Variants in GSTA1 observed in about 807,000 individuals in gnomAD.
GSTA1 encodes glutathione S-transferase A1.
Under a neutral mutation model 21.5 loss-of-function variants are expected in GSTA1, and 23 were observed. The observed-to-expected ratio is 1.07, with a 90% CI of 0.77 to 1.52. The LOEUF (loss-of-function observed/expected upper bound fraction) is 1.52, where lower values mean the gene tolerates loss of function less well. GSTA1 is among the 40% of genes most tolerant of loss of function. The pLI is 0.00. For synonymous variants in GSTA1, 125 were observed against 90.0 expected, an observed-to-expected ratio of 1.39 and a Z score of -2.20; for missense variants, 301 against 264.2, an observed-to-expected ratio of 1.14 and a Z score of -0.96.
At chr6:52,802,391 T>C (rs1160513064) in intron 1 of GSTA1, among the ~76,000 whole-genome samples, 4 of 152,226 alleles carry the variant, frequency 2.6e-5, no homozygotes, top group African/African-American at 9.7e-5. Context: ...GTTTAATCTC[T>C]GAGCCTCAAT....
At chr6:52,801,713 G>T (rs973715850) in intron 1 of GSTA1, among the ~76,000 whole-genome samples, 3 of 152,168 alleles carry the variant, frequency 2.0e-5, no homozygotes, top group Non-Finnish European at 4.4e-5. Context: ...GAGAACCAGA[G>T]AGCTCAAGGA....
chr6:52,800,152 G>C (rs1282224427), intron 1 of GSTA1, among the ~76,000 whole-genome samples: 4 of 152,204 alleles, frequency 2.6e-5, no homozygotes, highest in African/African-American at 4.8e-5. Flanking sequence ...TTCAACATCA[G>C]TTACACACTG....
At chr6:52,801,621 C>T (rs1043094742) in intron 1 of GSTA1, among the ~76,000 whole-genome samples, 1 of 152,216 alleles carries the variant, frequency 6.6e-6, no homozygotes, top group African/African-American at 2.4e-5. Context: ...TAGCATATCA[C>T]TTTCTCAATG....
At chr6:52,798,447 C>T (rs1407369946) in intron 2 of GSTA1, among the ~76,000 whole-genome samples, 11 of 113,852 alleles carry the variant, frequency 9.7e-5, no homozygotes, top group African/African-American at 3.8e-4. Context: ...TTAATAAGTG[C>T]TCAAGTAAAT....
At chr6:52,796,487 A>G (rs1215353783) in intron 3 of GSTA1, among the ~76,000 whole-genome samples, 173 bp from the exon 4 acceptor site, 178 of 5,070 alleles carry the variant, frequency 0.035, no homozygotes, top group African/African-American at 0.15. Context: ...ATATATATAT[A>G]TATGTGTGTG....
Position 52,792,983 on chromosome 6 carries a change from A to G in GSTA1, c.419T>C (p.Leu140Ser), listed in dbSNP as rs1432096563. The change falls in exon 6 of 7, where the codon TTA becomes TCA. Residue 140 changes from leucine (L) to serine (S), a missense_variant. Physicochemically the swap from Leu to Ser is moderately radical, Grantham distance 145. Coordinates refer to ENST00000334575, the MANE Select transcript of GSTA1 (RefSeq NM_145740.5). ...AAGGTAGTCTTGTCCATGGCTCTTT[A>G]AGACCTGGAGAATGGGAGGAATCAG... Reference protein sequence around the residue: ...NRYFPAFEKVLKSHGQDYLVG... With the variant: ...NRYFPAFEKVSKSHGQDYLVG... 6.2e-7 allele frequency: 1 copy of G among 1,614,024 alleles called. No homozygotes were observed. The highest frequency in any genetic ancestry group is 1.7e-5 in the Admixed American group (1 of 60,016).
intron 4 of GSTA1, among the ~76,000 whole-genome samples, chr6:52,795,419 C>T (rs1482317465): frequency 6.6e-5 from 10 of 152,042 alleles, no homozygotes; most frequent in South Asian, 6.2e-4. Context: ...TATTGTTATT[C>T]GCATTATTTA....
At chr6:52,793,371 A>T (rs1581792785) in intron 5 of GSTA1, among the ~76,000 whole-genome samples, 1 of 151,668 alleles carries the variant, frequency 6.6e-6, no homozygotes, top group South Asian at 2.1e-4. Context: ...TCCCTCTCCA[A>T]TCTCCCTTGG....
At chr6:52,798,975 C>T (rs574968181) in intron 2 of GSTA1, among the ~76,000 whole-genome samples, 2 of 152,208 alleles carry the variant, frequency 1.3e-5, no homozygotes, top group African/African-American at 4.8e-5. Flanking sequence ...TGATTAGTGT[C>T]TTAATTGTAT....
rs557768600 is a variant in GSTA1 at position 52,792,046 on chromosome 6, G to C, written c.547-66C>G. 1.9e-5 allele frequency: 30 copies of C among 1,600,508 alleles called. 1 individual carries two copies. The East Asian group carries it at 6.5e-4, about 35-fold the overall frequency. On this transcript the variant is annotated intron_variant, in intron 6 of 6. Coordinates refer to ENST00000334575, the MANE Select transcript of GSTA1 (RefSeq NM_145740.5). ...CTGACACCACCATTAACATGACCCAGGGAATCTGAGCCCCTCCTGCAAAGA... is the reference window on the plus strand; with the variant it reads ...CTGACACCACCATTAACATGACCCACGGAATCTGAGCCCCTCCTGCAAAGA...
rs574838091 is a variant in GSTA1, at chr6:52,803,062, T to C, written c.-31+723A>G. ...GCTCCAGAGGACATTGAGCAAGGTC[T>C]AGAGACATTTTGGGTTGTCATATCT... On this transcript the variant is annotated intron_variant, in intron 1 of 6. Transcript: ENST00000334575. 8.5e-5 allele frequency among the ~76,000 whole-genome samples: 13 copies of C among 152,256 alleles called. 2 individuals carry two copies. The South Asian group carries it at 2.7e-3, about 32-fold the overall frequency.
At position 52,797,619 on chromosome 6, in the gene GSTA1, T is replaced by C. The variant is rs1380736008; in HGVS notation, c.106A>G (p.Lys36Glu). The part of the protein sequence containing the change: ...AGVEFEEKFI[K>E]SAEDLDKLRN... ...AACTTGTCCAAATCTTCTGCAGATTTTATAAATTTCTCTTCAAACTGGAAG... is the reference window on the plus strand; with the variant it reads ...AACTTGTCCAAATCTTCTGCAGATTCTATAAATTTCTCTTCAAACTGGAAG... The change falls in exon 3 of 7, where the codon AAA (lysine) becomes GAA (glutamate). Residue 36 changes from lysine to glutamate, a missense_variant. Coordinates refer to ENST00000334575, the MANE Select transcript of GSTA1 (RefSeq NM_145740.5). 1.2e-6 allele frequency: 2 copies of C among 1,607,790 alleles called. No homozygotes were observed. The highest frequency in any genetic ancestry group is 1.7e-6 in the Non-Finnish European group (2 of 1,174,572).
rs1051983 is a variant in GSTA1, at chr6:52,791,881, C to A, written c.646G>T (p.Ala216Ser). The A allele has an allele frequency of 9.2e-5, 148 of 1,613,878 alleles. 1 individual carries two copies. The highest frequency in any genetic ancestry group is 6.6e-4 in the Middle Eastern group (4 of 6,078). Residue 216 changes from alanine to serine, a missense_variant, in exon 7 of 7, where the codon GCA (alanine) becomes TCA (serine). Transcript: ENST00000334575. ...TATTAAAACCTGAAAATCTTCCTTG[C>A]TTCTTCTAAAGATTTCTCATCCATG... is the stretch of plus-strand genomic sequence containing the variant. Reference protein sequence around the residue: ...PPMDEKSLEEARKIFRF With the variant: ...PPMDEKSLEESRKIFRF
rs778690221 is a variant in GSTA1, at chr6:52,792,839, G to A, written c.546+17C>T. 26 of 1,613,610 alleles carry A rather than the reference G, an allele frequency of 1.6e-5. No homozygotes were observed. Among genetic ancestry groups the A allele is most frequent in the Non-Finnish European group, 2.1e-5 (25 of 1,179,750 alleles). On this transcript the variant is annotated intron_variant, in intron 6 of 6. Transcript: ENST00000334575. ...GGGAGATGTGGGGCTGCCTCTCTGG[G>A]CTGTGAAATGGGTCACCTTCAGCAG... is the stretch of plus-strand genomic sequence containing the variant.
At chr6:52,797,685 A>T (rs371344826) in intron 2 of GSTA1, 48 bp from the exon 3 acceptor site, 2 of 1,516,650 alleles carry the variant, frequency 1.3e-6, no homozygotes, top group East Asian at 4.5e-5. Context: ...ATTCTATTAT[A>T]GACTGTGGCC....
At chr6:52,793,112 C>T in intron 5 of GSTA1, 125 bp from the exon 6 acceptor site, 1 of 1,304,718 alleles carries the variant, frequency 7.7e-7, no homozygotes, top group South Asian at 1.3e-5. Context: ...GTGCAGAAAT[C>T]CAGAGCTTTC....
At chr6:52,794,900 A>T (rs763244431) in intron 4 of GSTA1, among the ~76,000 whole-genome samples, 4 of 152,130 alleles carry the variant, frequency 2.6e-5, no homozygotes, top group Non-Finnish European at 4.4e-5. Context: ...ACCAGTGCAA[A>T]CTTTTCTTCT....
In GSTA1 at chr6:52,791,730, T is replaced by C. The variant is rs1411789885; in HGVS notation, c.*128A>G. On this transcript the variant is annotated 3_prime_UTR_variant, in exon 7 of 7. Transcript: ENST00000334575. Reference sequence around the variant, plus strand: ...AGCGAATAGGAGTTGTATTATTTAATTAGCATATAATTTGAAAGAGTTCAT... The same window carrying C: ...AGCGAATAGGAGTTGTATTATTTAACTAGCATATAATTTGAAAGAGTTCAT... 2 of 1,059,386 alleles carry C rather than the reference T, an allele frequency of 1.9e-6. No individual in the cohort carries two copies. Among genetic ancestry groups the C allele is most frequent in the African/African-American group, 3.2e-5 (2 of 62,574 alleles). The allele number at this position is 1,059,386 out of a possible 1,614,324, so 65.6% of individuals were successfully genotyped here.
chr6:52,794,235 A>C lies in GSTA1; in HGVS notation c.304T>G (p.Leu102Val). The part of the protein sequence containing the change: ...IDMYIEGIAD[L>V]GEMILLLPVC... ...GGCAGAAGGAGGATCATTTCACCCAAATCTGCTATACCTTCTATATACATA... is the reference window on the plus strand; with the variant it reads ...GGCAGAAGGAGGATCATTTCACCCACATCTGCTATACCTTCTATATACATA... The change falls in exon 5 of 7, where the codon TTG (leucine) becomes GTG (valine). Residue 102 changes from leucine to valine, a missense_variant. Transcript: ENST00000334575. 1 of 1,613,706 alleles carries C rather than the reference A, an allele frequency of 6.2e-7. No individual in the cohort carries two copies. The highest frequency in any genetic ancestry group is 8.5e-7 in the Non-Finnish European group (1 of 1,179,632).
Sources: allele counts gnomAD v4.1 joint callset (sites outside exome capture counted in the v4.1 genomes callset), GRCh38; gene constraint gnomAD v4.1.1; transcripts MANE v1.5; gene names NCBI Gene and HGNC (gene_info 2026-07-23, HGNC 2026-07-21).